LARGE1: variants seen among roughly 807,000 people sequenced by gnomAD.
LARGE1 encodes LARGE xylosyl- and glucuronyltransferase 1.
A neutral mutation model predicts 87.6 loss-of-function variants in LARGE1; 43 were observed. The ratio of observed to expected loss-of-function variants is 0.49; its 90% CI spans 0.38 to 0.63. LARGE1 has a LOEUF of 0.63. Ranked by LOEUF, LARGE1 falls within the 30% of genes least tolerant of loss-of-function variation. LARGE1 has a pLI of 0.00. For synonymous variants in LARGE1, 434 were observed against 394.6 expected, an observed-to-expected ratio of 1.10 and a Z score of -1.18; for missense variants, 802 against 1,000.2, an observed-to-expected ratio of 0.80 and a Z score of 2.67.
At chr22:33,456,895 G>C (rs888009562) in intron 6 of LARGE1, among the ~76,000 whole-genome samples, 1 of 152,220 alleles carries the variant, frequency 6.6e-6, no homozygotes, top group Non-Finnish European at 1.5e-5. Flanking sequence ...ATATGATCAA[G>C]TCAAATAAGC....
intron 9 of LARGE1, among the ~76,000 whole-genome samples, chr22:33,351,319 A>C (rs898675657): frequency 2.0e-5 from 3 of 152,252 alleles, no homozygotes; most frequent in Non-Finnish European, 4.4e-5. Context: ...TAGCTGCATC[A>C]ATGCAGAAGG....
chr22:33,416,905 A>AC (rs1351674300), intron 7 of LARGE1, among the ~76,000 whole-genome samples: 1 of 52,218 alleles, frequency 1.9e-5, no homozygotes, highest in Non-Finnish European at 3.4e-5. Context: ...CCACGCCCGG[A>AC]CTTTTTTTTT....
At chr22:33,651,941 AG>A (rs1418456231) in intron 2 of LARGE1, among the ~76,000 whole-genome samples, 2 of 152,150 alleles carry the variant, frequency 1.3e-5, no homozygotes, top group Non-Finnish European at 2.9e-5. Flanking sequence ...TGGGAGGCCA[AG>A]GCGGGCAAAT....
downstream of LARGE1, among the ~76,000 whole-genome samples, chr22:33,268,832 C>T (rs1220463012): frequency 1.3e-5 from 2 of 152,110 alleles, no homozygotes; most frequent in Non-Finnish European, 2.9e-5. Context: ...CCTTAGGGAC[C>T]CACATATTGA....
At chr22:33,750,176 C>T (rs927317405) in intron 2 of LARGE1, among the ~76,000 whole-genome samples, 80 of 152,264 alleles carry the variant, frequency 5.3e-4, no homozygotes, top group African/African-American at 1.8e-3. Context: ...TCTATGTAAA[C>T]GACAGTGCAG....
At chr22:33,545,264 C>CTTTT (rs57882316) in intron 6 of LARGE1, among the ~76,000 whole-genome samples, 1 of 132,060 alleles carries the variant, frequency 7.6e-6, no homozygotes, top group Non-Finnish European at 1.6e-5. Context: ...CTTTCCTTTT[C>CTTTT]TTTTTTTTTT....
intron 12 of LARGE1, among the ~76,000 whole-genome samples, chr22:33,289,249 C>T (rs968554022): frequency 5.3e-5 from 8 of 152,138 alleles, no homozygotes; most frequent in African/African-American, 1.7e-4. Flanking sequence ...TGAGCCACCG[C>T]GCCCAGCTGG....
chr22:33,606,592 G>A (rs1005516215), intron 4 of LARGE1, among the ~76,000 whole-genome samples: 4 of 151,634 alleles, frequency 2.6e-5, no homozygotes, highest in Non-Finnish European at 4.4e-5. Context: ...CCCCTACCCC[G>A]TGCTCTCTCT....
At chr22:33,235,189 G>C (rs758619303) in intron 11 of LARGE1, among the ~76,000 whole-genome samples, 3 of 152,208 alleles carry the variant, frequency 2.0e-5, no homozygotes, top group Non-Finnish European at 2.9e-5. Context: ...AAGCAAGAGA[G>C]ACAAGGTTTC....
intron 11 of LARGE1, among the ~76,000 whole-genome samples, chr22:33,314,666 G>A (rs1377009044): frequency 1.3e-5 from 2 of 152,170 alleles, no homozygotes; most frequent in Non-Finnish European, 2.9e-5. Flanking sequence ...CATCTCTGAT[G>A]TGGCTCAAAA....
chr22:33,152,134 C>T, the LARGE1 span, among the ~76,000 whole-genome samples: 1 of 152,340 alleles, frequency 6.6e-6, no homozygotes, highest in Admixed American at 6.5e-5. Flanking sequence ...GCATTCCTAG[C>T]TCTGCCAGCT....
At chr22:33,663,934 A>G (rs541905903) in intron 2 of LARGE1, among the ~76,000 whole-genome samples, 73 of 152,120 alleles carry the variant, frequency 4.8e-4, no homozygotes, top group Non-Finnish European at 8.8e-4. Flanking sequence ...TGGCTCAATA[A>G]TTTCTTCTAG....
upstream of LARGE1, among the ~76,000 whole-genome samples, chr22:33,921,810 C>T (rs2065956578): frequency 6.6e-6 from 1 of 151,930 alleles, no homozygotes; most frequent in South Asian, 2.1e-4. The surrounding 1 kb of genome is among the most constrained non-coding windows in gnomAD (Gnocchi z 4.1). Flanking sequence ...GGTGGGGGTA[C>T]GGAGAGTCCT....
the LARGE1 span, among the ~76,000 whole-genome samples, chr22:33,117,635 C>T: frequency 6.6e-6 from 1 of 152,066 alleles, no homozygotes; most frequent in Non-Finnish European, 1.5e-5. Context: ...AGTTTATAGA[C>T]AGGAACATCA....
the LARGE1 span, among the ~76,000 whole-genome samples, chr22:33,076,490 A>G: frequency 6.6e-6 from 1 of 152,054 alleles, no homozygotes. Flanking sequence ...ACCTAATTGG[A>G]TGTGTGTGTA....
the LARGE1 span, among the ~76,000 whole-genome samples, chr22:33,087,433 T>A: frequency 6.6e-6 from 1 of 152,042 alleles, no homozygotes; most frequent in Non-Finnish European, 1.5e-5. Context: ...ACTGAATCAA[T>A]CCATCCACAC....
chr22:33,885,381 C>A (rs1472126961), intron 1 of LARGE1, among the ~76,000 whole-genome samples: 1 of 152,172 alleles, frequency 6.6e-6, no homozygotes, highest in African/African-American at 2.4e-5. Flanking sequence ...GGGTACACAC[C>A]AGTACTTCAG....
intron 1 of LARGE1, among the ~76,000 whole-genome samples, chr22:33,867,790 T>G (rs1170785948): frequency 2.6e-5 from 4 of 152,126 alleles, no homozygotes; most frequent in Non-Finnish European, 5.9e-5. Context: ...ACGTTGTTAG[T>G]AGGATTACAT....
At chr22:33,771,851 T>A (rs898860626) in intron 1 of LARGE1, among the ~76,000 whole-genome samples, 1 of 152,216 alleles carries the variant, frequency 6.6e-6, no homozygotes, top group Non-Finnish European at 1.5e-5. Context: ...GGAGCCATTC[T>A]CAGTTCCTCA....
Sources: gnomAD v4.1 joint callset for allele counts (sites outside exome capture counted in the v4.1 genomes callset) on GRCh38, gnomAD v4.1.1 for gene constraint, Gnocchi (gnomAD v3.1) non-coding constraint, MANE v1.5 for transcripts, NCBI Gene and HGNC (gene_info 2026-07-23, HGNC 2026-07-21) for gene names.